The following PRKAA2 variants were observed in gnomAD, a reference collection of about 807,000 sequenced individuals.
The protein encoded by PRKAA2 is 5'-AMP-activated protein kinase catalytic subunit alpha-2.
Under a neutral mutation model 56.3 loss-of-function variants are expected in PRKAA2, and 40 were observed. That is an observed-to-expected ratio of 0.71 (90% CI 0.55 to 0.92). The LOEUF (loss-of-function observed/expected upper bound fraction) is 0.92. Among genes scored for constraint, PRKAA2 ranks in the 40% least tolerant of loss-of-function variants. PRKAA2 has a pLI of 0.00. For missense variants in PRKAA2, 542 were observed against 686.9 expected, an observed-to-expected ratio of 0.79 and a Z score of 2.36; for synonymous variants, 214 against 234.2, an observed-to-expected ratio of 0.91 and a Z score of 0.79.
At position 56,692,537 on chromosome 1, in the gene PRKAA2, G is replaced by A. The variant is rs1018845898; in HGVS notation, c.475+35G>A. 7 of 1,595,892 alleles carry A rather than the reference G, an allele frequency of 4.4e-6. No individual in the cohort carries two copies. In the African/African-American group the frequency reaches 8.1e-5, roughly 18 times the overall value. ...TCCAGGGTTGTTCAGAAAGGTACTA[G>A]CTACCTTTTAAAGCATAACAACTCA... On this transcript the variant is annotated intron_variant, in intron 4 of 8. Transcript: ENST00000371244.
intron 6 of PRKAA2, among the ~76,000 whole-genome samples, chr1:56,700,201 A>G (rs1346339773): frequency 1.3e-5 from 2 of 152,116 alleles, no homozygotes; most frequent in Non-Finnish European, 2.9e-5. Flanking sequence ...TTTTTTATAT[A>G]TGGCTACTGA....
At chr1:56,655,413 C>CT (rs10710505) in intron 1 of PRKAA2, among the ~76,000 whole-genome samples, 132 of 139,990 alleles carry the variant, frequency 9.4e-4, no homozygotes, top group African/African-American at 2.6e-3. Flanking sequence ...CCATGCCCAG[C>CT]TTTTTTTTTT....
At chr1:56,673,607 G>A (rs1006874009) in intron 1 of PRKAA2, among the ~76,000 whole-genome samples, 6 of 152,154 alleles carry the variant, frequency 3.9e-5, no homozygotes, top group African/African-American at 1.4e-4. Flanking sequence ...TAGTGTGGAT[G>A]CCATGAATGT....
intron 8 of PRKAA2, 147 bp downstream of exon 8, chr1:56,706,365 GA>G: frequency 1.3e-6 from 1 of 795,954 alleles, no homozygotes; most frequent in Non-Finnish European, 1.9e-6. Flanking sequence ...TAAGTGAAGT[GA>G]AAAGGATGAA....
At position 56,704,345 on chromosome 1, in the gene PRKAA2, A is replaced by G; in HGVS notation, c.1163A>G (p.Asn388Ser). ...PKARCPLDAL[N>S]TTKPKSLAVK... Reference sequence around the variant, plus strand: ...GCAAGATGTCCATTGGATGCACTGAATACGACTAAGCCCAAATCTTTAGCT... The same window carrying G: ...GCAAGATGTCCATTGGATGCACTGAGTACGACTAAGCCCAAATCTTTAGCT... Residue 388 changes from asparagine (N) to serine (S), a missense_variant, in exon 7 of 9, where the codon AAT (asparagine) becomes AGT (serine). By Grantham distance (46) the Asn-to-Ser change is conservative (BLOSUM62 1). Around this residue, in one of 5 missense-constraint regions of PRKAA2, gnomAD observed 198 missense variants for 234.0 expected, o/e 0.85. Coordinates refer to ENST00000371244, the MANE Select transcript of PRKAA2 (RefSeq NM_006252.4). The G allele has an allele frequency of 1.2e-6, 2 of 1,614,178 alleles. No homozygotes were observed. The highest frequency in any genetic ancestry group is 1.7e-6 in the Non-Finnish European group (2 of 1,180,024).
chr1:56,707,437 A>G (rs1488954321), intron 8 of PRKAA2, 38 bp from the exon 9 acceptor site: 9 of 1,547,564 alleles, frequency 5.8e-6, no homozygotes, highest in Non-Finnish European at 8.0e-6. Context: ...GGGCATATAT[A>G]CTTTCCATAT....
At chr1:56,678,479 T>C (rs1644129930) in intron 2 of PRKAA2, among the ~76,000 whole-genome samples, 1 of 151,804 alleles carries the variant, frequency 6.6e-6, no homozygotes, top group African/African-American at 2.4e-5. Flanking sequence ...TTAACCCAAA[T>C]TGAAAAAAAA....
intron 1 of PRKAA2, among the ~76,000 whole-genome samples, chr1:56,660,664 T>C (rs1643987060): frequency 1.3e-5 from 2 of 152,286 alleles, no homozygotes; most frequent in Non-Finnish European, 2.9e-5. Context: ...ACCTGATTAT[T>C]GAAGGGTAAA....
chr1:56,674,727 T>C (rs1173890133), intron 2 of PRKAA2, among the ~76,000 whole-genome samples: 1 of 151,728 alleles, frequency 6.6e-6, no homozygotes, highest in African/African-American at 2.4e-5. Context: ...TCTAAATTAG[T>C]ACTCAATTTA....
chr1:56,702,264 G>A (rs1423957684), intron 6 of PRKAA2, among the ~76,000 whole-genome samples: 1 of 152,040 alleles, frequency 6.6e-6, no homozygotes, highest in African/African-American at 2.4e-5. Context: ...TGTATTTTTA[G>A]TAGAGACGGT....
intron 1 of PRKAA2, chr1:56,671,435 T>C (rs575690305): frequency 6.6e-6 from 1 of 152,318 alleles, no homozygotes; most frequent in Non-Finnish European, 1.5e-5. Flanking sequence ...ATTTAACTTA[T>C]TTTAATTGAA....
At chr1:56,678,518 G>T (rs2100409554) in intron 2 of PRKAA2, among the ~76,000 whole-genome samples, 1 of 152,144 alleles carries the variant, frequency 6.6e-6, no homozygotes, top group South Asian at 2.1e-4. Flanking sequence ...AAAACCCACT[G>T]GTAGAAAATT....
chr1:56,654,848 G>T (rs1643927598), intron 1 of PRKAA2, among the ~76,000 whole-genome samples: 1 of 151,844 alleles, frequency 6.6e-6, no homozygotes, highest in South Asian at 2.1e-4. Flanking sequence ...TCTTTGGGTG[G>T]TACCTTTGTT....
intron 6 of PRKAA2, among the ~76,000 whole-genome samples, chr1:56,698,180 GT>G (rs147774238): frequency 0.11 from 16,294 of 150,096 alleles, 1,286 homozygotes; most frequent in East Asian, 0.24. Flanking sequence ...GCCTCCCAAA[GT>G]GCTAGGATTA....
chr1:56,652,615 C>T (rs540166825), intron 1 of PRKAA2, among the ~76,000 whole-genome samples: 2 of 152,168 alleles, frequency 1.3e-5, no homozygotes, highest in Non-Finnish European at 2.9e-5. Flanking sequence ...AGATGCTGAG[C>T]CTTTGTTTCC....
intron 2 of PRKAA2, among the ~76,000 whole-genome samples, chr1:56,675,691 T>C (rs1367020980): frequency 6.6e-6 from 1 of 152,134 alleles, no homozygotes; most frequent in Non-Finnish European, 1.5e-5. Flanking sequence ...CAAAGCCCTA[T>C]GTATAAACTT....
chr1:56,693,647 T>C, intron 4 of PRKAA2, 118 bp from the exon 5 acceptor site: 1 of 582,492 alleles, frequency 1.7e-6, no homozygotes. Flanking sequence ...TTTTTTTTAA[T>C]AACTTAAAAA....
intron 1 of PRKAA2, among the ~76,000 whole-genome samples, chr1:56,671,904 A>C (rs1340033057): frequency 6.6e-6 from 1 of 152,224 alleles, no homozygotes; most frequent in Non-Finnish European, 1.5e-5. Flanking sequence ...AGCTTAGTAC[A>C]TAATAAACAA....
chr1:56,662,762 GT>G (rs1028155628), intron 1 of PRKAA2, among the ~76,000 whole-genome samples: 1 of 151,322 alleles, frequency 6.6e-6, no homozygotes, highest in African/African-American at 2.4e-5. Context: ...GTGTGTGTGT[GT>G]TTTTTTTTAA....
Sources: gnomAD v4.1 joint callset for allele counts (sites outside exome capture counted in the v4.1 genomes callset) on GRCh38, gnomAD v4.1.1 for gene constraint, gnomAD v4.1.1 regional missense constraint, MANE v1.5 for transcripts, NCBI Gene and HGNC (gene_info 2026-07-23, HGNC 2026-07-21) for gene names.